MTA3: variants seen among roughly 807,000 people sequenced by gnomAD.
The protein encoded by MTA3 is metastasis associated 1 family member 3, also known as metastasis-associated protein MTA3.
A neutral mutation model predicts 83.5 loss-of-function variants in MTA3; 34 were observed. The ratio of observed to expected loss-of-function variants is 0.41; its 90% CI spans 0.31 to 0.54. The LOEUF is 0.54. Among genes scored for constraint, MTA3 ranks in the 20% least tolerant of loss-of-function variants. The pLI is 0.33. For synonymous variants in MTA3, 303 were observed against 252.7 expected (o/e 1.20, Z -1.89); for missense variants, 761 against 726.4 (o/e 1.05, Z -0.55).
intron 4 of MTA3, among the ~76,000 whole-genome samples, chr2:42,621,959 G>A (rs1281221834): frequency 6.6e-6 from 1 of 151,138 alleles, no homozygotes; most frequent in African/African-American, 2.4e-5. Flanking sequence ...CATCCCAGAC[G>A]ATGGGCGGCC....
In MTA3 at chr2:42,568,692, A is replaced by AGGCGGC. The variant is rs747530833; in HGVS notation, c.-45_-40dup. The AGGCGGC allele has an allele frequency of 1.0e-3, 1,168 of 1,164,832 alleles. 1 individual carries two copies. Among genetic ancestry groups the AGGCGGC allele is most frequent in the South Asian group, 1.6e-3 (37 of 23,466 alleles). The allele number at this position is 1,164,832 out of a possible 1,614,324, so 72.2% of individuals were successfully genotyped here. On this transcript the variant is annotated 5_prime_UTR_variant, in exon 1 of 17. Transcript: ENST00000405094. ...GCGGTCGCGGCTGAGGCTGAGGAGG[A>AGGCGGC]GGCGGCGGCGGCGGGCGGGGCTCGG...
chr2:42,534,116 G>T (rs576830799), intron 2 of MTA3, among the ~76,000 whole-genome samples: 15 of 152,166 alleles, frequency 9.9e-5, no homozygotes, highest in African/African-American at 3.1e-4. Context: ...CAGCTGAAAT[G>T]GAGTCTCTCT....
intron 6 of MTA3, among the ~76,000 whole-genome samples, chr2:42,648,341 C>A (rs1413390715): frequency 6.6e-6 from 1 of 152,194 alleles, no homozygotes. Context: ...TTGCTGGAAT[C>A]CATTCTTCCT....
chr2:42,581,864 C>CG (rs1341353202), intron 3 of MTA3: 2 of 201,262 alleles, frequency 9.9e-6, no homozygotes, highest in Non-Finnish European at 2.0e-5. Flanking sequence ...CCTCCCAAAT[C>CG]AAGTGATTCT....
chr2:42,641,148 C>T (rs960118963), intron 5 of MTA3, among the ~76,000 whole-genome samples: 38 of 150,368 alleles, frequency 2.5e-4, no homozygotes, highest in Non-Finnish European at 4.7e-4. Flanking sequence ...CTCAGGTGAT[C>T]TGCCTTCCTC....
chr2:42,609,073 T>G (rs6706285), intron 3 of MTA3, among the ~76,000 whole-genome samples: 2 of 147,862 alleles, frequency 1.4e-5, no homozygotes, highest in Admixed American at 1.4e-4. Context: ...GCTCTTTCAC[T>G]CAGGCTGGTG....
rs777547676 is a variant in MTA3 at position 42,752,734 on chromosome 2, C to G, written c.1760-640C>G. Among the ~76,000 whole-genome samples the G allele has an allele frequency of 3.3e-5, 5 of 152,138 alleles. No homozygotes were observed. In the East Asian group the frequency reaches 5.8e-4, roughly 18 times the overall value. ...CTCCCAGCCAACTGTGTTCCCTATT[C>G]CTTAGTATCCGTCAGAAAAGTTCCA... On this transcript the variant is annotated intron_variant, in intron 16 of 16. Transcript: ENST00000405094.
chr2:42,548,802 C>CAAAAAA (rs1362657510), intron 2 of MTA3, among the ~76,000 whole-genome samples: 3 of 42,946 alleles, frequency 7.0e-5, no homozygotes, highest in Non-Finnish European at 1.1e-4. Flanking sequence ...GACCCTGTCT[C>CAAAAAA]AAAAAAAAAT....
intron 16 of MTA3, among the ~76,000 whole-genome samples, chr2:42,732,489 C>T (rs1668300247): frequency 6.6e-6 from 1 of 152,180 alleles, no homozygotes; most frequent in African/African-American, 2.4e-5. Flanking sequence ...GCCTATGAAA[C>T]CACTTTTTCT....
At chr2:42,617,941 T>A (rs566332210) in intron 4 of MTA3, among the ~76,000 whole-genome samples, 1,854 of 147,098 alleles carry the variant, frequency 0.013, 16 homozygotes, top group Non-Finnish European at 0.018. Flanking sequence ...ACTCTTTTTT[T>A]AAAAAAAAAA....
At chr2:42,552,677 C>T (rs1410706706) in intron 2 of MTA3, among the ~76,000 whole-genome samples, 1 of 151,432 alleles carries the variant, frequency 6.6e-6, no homozygotes, top group South Asian at 2.1e-4. Flanking sequence ...AAGGGCCAGG[C>T]GTGGTGGCTC....
intron 3 of MTA3, among the ~76,000 whole-genome samples, chr2:42,591,639 A>C (rs75691172): frequency 1.6e-3 from 50 of 30,878 alleles, no homozygotes; most frequent in South Asian, 5.7e-3. Context: ...TTTTCTTTTT[A>C]TTTTATTTAT....
chr2:42,661,453 T>C (rs1014986380), intron 8 of MTA3, among the ~76,000 whole-genome samples: 4 of 133,794 alleles, frequency 3.0e-5, no homozygotes, highest in Non-Finnish European at 6.0e-5. Context: ...TGAGCTGAGA[T>C]CATGCTCATG....
At position 42,756,412 on chromosome 2, in the gene MTA3, C is replaced by T; in HGVS notation, c.*3013C>T. ...TGCCCTGGGAGCCTGGGACAGGCGA[C>T]CCACCGGGTCAGTCCCCTGCCACTC... On this transcript the variant is annotated 3_prime_UTR_variant, in exon 17 of 17. Coordinates refer to ENST00000405094, the MANE Select transcript of MTA3 (RefSeq NM_001330442.2). 1.0e-6 allele frequency: 1 copy of T among 969,434 alleles called. No homozygotes were observed. The highest frequency in any genetic ancestry group is 4.8e-5 in the South Asian group (1 of 20,976). The allele number at this position is 969,434 out of a possible 1,614,324, so 60.1% of individuals were successfully genotyped here. A position where few individuals can be genotyped will look rare whatever the true frequency, so the allele number is the denominator to read the frequency against.
At chr2:42,686,722 T>C (rs1286768923) in intron 9 of MTA3, among the ~76,000 whole-genome samples, 5 of 151,804 alleles carry the variant, frequency 3.3e-5, no homozygotes, top group Admixed American at 2.6e-4. Context: ...AGTTACTCGA[T>C]AGACTGAGGC....
intron 16 of MTA3, among the ~76,000 whole-genome samples, chr2:42,739,290 T>G (rs2104578873): frequency 6.6e-6 from 1 of 152,304 alleles, no homozygotes; most frequent in Non-Finnish European, 1.5e-5. Context: ...ACCTACGTGA[T>G]TATCGGGGCA....
At chr2:42,744,645 A>C (rs1293113751) in intron 16 of MTA3, among the ~76,000 whole-genome samples, 1 of 151,990 alleles carries the variant, frequency 6.6e-6, no homozygotes, top group East Asian at 1.9e-4. Flanking sequence ...ATGTTTTGGG[A>C]GGAGGAGTAG....
At chr2:42,580,206 C>T (rs144740344) in intron 3 of MTA3, among the ~76,000 whole-genome samples, 12 of 152,052 alleles carry the variant, frequency 7.9e-5, no homozygotes, top group Admixed American at 2.0e-4. Context: ...CTTGGCTTTC[C>T]AAAGGCTCAA....
intron 9 of MTA3, among the ~76,000 whole-genome samples, chr2:42,684,660 T>G (rs888991706): frequency 2.0e-5 from 3 of 152,030 alleles, no homozygotes; most frequent in African/African-American, 7.2e-5. Context: ...CAATGAAAAT[T>G]CAAAAAAGAT....
Sources: gnomAD v4.1 joint callset for allele counts (sites outside exome capture counted in the v4.1 genomes callset) on GRCh38, gnomAD v4.1.1 for gene constraint, MANE v1.5 for transcripts, NCBI Gene and HGNC (gene_info 2026-07-23, HGNC 2026-07-21) for gene names.